MAP3K2: variants seen among roughly 807,000 people sequenced by gnomAD.
MAP3K2 encodes the protein MAP/ERK kinase kinase 2.
A neutral mutation model predicts 80.3 loss-of-function variants in MAP3K2; 24 were observed. That is an observed-to-expected ratio of 0.30 (90% CI 0.22 to 0.42). The LOEUF (loss-of-function observed/expected upper bound fraction) is 0.42, where lower values mean the gene tolerates loss of function less well. Ranked by LOEUF, MAP3K2 falls within the 10% of genes least tolerant of loss-of-function variation. MAP3K2 has a pLI of 1.00. For missense variants in MAP3K2, 608 were observed against 750.1 expected (o/e 0.81, Z 2.21); for synonymous variants, 244 against 253.7 (o/e 0.96, Z 0.36).
At chr2:127,376,850 G>C (rs1687161517) in intron 1 of MAP3K2, among the ~76,000 whole-genome samples, 1 of 152,086 alleles carries the variant, frequency 6.6e-6, no homozygotes, top group African/African-American at 2.4e-5. Flanking sequence ...AGGATCGCTT[G>C]AGCCCAGGTG....
intron 5 of MAP3K2, among the ~76,000 whole-genome samples, chr2:127,334,724 G>A (rs1359936652): frequency 6.6e-6 from 1 of 151,116 alleles, no homozygotes; most frequent in Admixed American, 6.6e-5. Context: ...GGGATTATAG[G>A]CATGAGCCAC....
intron 1 of MAP3K2, among the ~76,000 whole-genome samples, chr2:127,381,597 C>T (rs1225096699): frequency 6.6e-6 from 1 of 152,124 alleles, no homozygotes; most frequent in Non-Finnish European, 1.5e-5. Context: ...GCAAAAGATA[C>T]CACAACTATT....
chr2:127,344,148 A>G (rs1174724999), intron 1 of MAP3K2, among the ~76,000 whole-genome samples: 1 of 152,218 alleles, frequency 6.6e-6, no homozygotes, highest in Non-Finnish European at 1.5e-5. Context: ...GACACTATGA[A>G]TGGAAAATTC....
At chr2:127,324,962 C>A (rs940278741) in intron 9 of MAP3K2, among the ~76,000 whole-genome samples, 3 of 152,182 alleles carry the variant, frequency 2.0e-5, no homozygotes, top group African/African-American at 7.2e-5. Context: ...ACCAATGTGA[C>A]ACAGTGGGCT....
chr2:127,377,288 C>T (rs1229224758), intron 1 of MAP3K2, among the ~76,000 whole-genome samples: 2 of 151,628 alleles, frequency 1.3e-5, no homozygotes, highest in South Asian at 4.2e-4. Context: ...CTAGTTTACT[C>T]AAATATTTAT....
intron 1 of MAP3K2, among the ~76,000 whole-genome samples, chr2:127,356,519 A>C (rs565220710): frequency 7.2e-5 from 11 of 152,292 alleles, no homozygotes; most frequent in African/African-American, 2.6e-4. Flanking sequence ...TATTAGCCTA[A>C]TTTTTTATTT....
chr2:127,337,341 A>C (rs991712316), intron 4 of MAP3K2, among the ~76,000 whole-genome samples: 8 of 152,182 alleles, frequency 5.3e-5, no homozygotes, highest in African/African-American at 1.9e-4. Flanking sequence ...CATAAAACTG[A>C]GGTCTCTTGA....
At chr2:127,350,542 C>G (rs1686675410) in intron 1 of MAP3K2, among the ~76,000 whole-genome samples, 4 of 150,280 alleles carry the variant, frequency 2.7e-5, no homozygotes, top group Admixed American at 2.6e-4. Context: ...GAAGAGAAAG[C>G]TTTTTCTTAC....
At chr2:127,363,492 A>C (rs144636797) in intron 1 of MAP3K2, among the ~76,000 whole-genome samples, 6 of 152,254 alleles carry the variant, frequency 3.9e-5, no homozygotes, top group African/African-American at 1.4e-4. Context: ...AACACTTTCT[A>C]TTGCAAAACT....
rs1662780521 is a variant in MAP3K2, at chr2:127,302,845, C to T, written c.*4734G>A. The T allele has an allele frequency of 6.6e-6, 1 of 152,084 alleles. No individual in the cohort carries two copies. Among genetic ancestry groups the T allele is most frequent in the South Asian group, 2.1e-4 (1 of 4,824 alleles). The allele number at this position is 152,084 out of a possible 1,614,324, so 9.4% of individuals were successfully genotyped here. A position where few individuals can be genotyped will look rare whatever the true frequency, so the allele number is the denominator to read the frequency against. On this transcript the variant is annotated 3_prime_UTR_variant, in exon 17 of 17. Coordinates refer to ENST00000682094, the MANE Select transcript of MAP3K2 (RefSeq NM_001371910.2). ...AGTGGAAGCTGCAGCATGTCTATCA[C>T]AGACAAATCCTAATGTTTCTCTCCT... is the stretch of plus-strand genomic sequence containing the variant.
intron 4 of MAP3K2, among the ~76,000 whole-genome samples, chr2:127,336,938 C>T (rs1573990891): frequency 6.6e-6 from 1 of 152,092 alleles, no homozygotes; most frequent in African/African-American, 2.4e-5. Context: ...GTCAGGAGTT[C>T]GAGACCAGCC....
rs1282666508 is a variant in MAP3K2, at chr2:127,321,669, T to C, written c.1045+377A>G. On this transcript the variant is annotated intron_variant, in intron 12 of 16. Transcript: ENST00000682094. This position sits in a 1 kb window ranked among gnomAD's most constrained non-coding sequence, Gnocchi z 4.4. ...TCTTGCACATTATCTCCTCAGCTGG[T>C]GATTTCTACTCACATTTAAATGCTA... is the stretch of plus-strand genomic sequence containing the variant. Among the ~76,000 whole-genome samples the C allele has an allele frequency of 6.6e-6, 1 of 152,224 alleles. No homozygotes were observed. The highest frequency in any genetic ancestry group is 1.5e-5 in the Non-Finnish European group (1 of 68,042).
At chr2:127,374,882 T>C (rs990796247) in intron 1 of MAP3K2, among the ~76,000 whole-genome samples, 8 of 152,108 alleles carry the variant, frequency 5.3e-5, no homozygotes, top group East Asian at 1.9e-4. Flanking sequence ...GGACAGGCCA[T>C]AGAACGTACC....
chr2:127,377,060 CAA>C (rs879437855), intron 1 of MAP3K2, among the ~76,000 whole-genome samples: 3 of 132,630 alleles, frequency 2.3e-5, no homozygotes, highest in Non-Finnish European at 1.6e-5. Flanking sequence ...GATCCTGTCT[CAA>C]AAAAAAAAAA....
At chr2:127,375,238 A>G (rs539055800) in intron 1 of MAP3K2, among the ~76,000 whole-genome samples, 1 of 152,074 alleles carries the variant, frequency 6.6e-6, no homozygotes, top group African/African-American at 2.4e-5. Flanking sequence ...AAATAAAGAA[A>G]ATAACCCTAT....
At position 127,298,951 on chromosome 2, in the gene MAP3K2, TTTA is replaced by T. The variant is rs1307274479; in HGVS notation, c.*8625_*8627del. The T allele has an allele frequency of 1.4e-4, 21 of 152,090 alleles. No individual in the cohort carries two copies. In the East Asian group the frequency reaches 3.7e-3, roughly 27 times the overall value. 9.4% of individuals were successfully genotyped at this position (152,090 alleles called of 1,614,324 possible). A position where few individuals can be genotyped will look rare whatever the true frequency, so the allele number is the denominator to read the frequency against. On this transcript the variant is annotated 3_prime_UTR_variant, in exon 17 of 17. Transcript: ENST00000682094. ...TGGTTTCTTTTATATTAGATTTTTT[TTTA>T]AAAAAAAGCTATTTACCAGCAAGAA...
At chr2:127,329,577 G>T (rs1191994849) in intron 7 of MAP3K2, among the ~76,000 whole-genome samples, 1 of 152,174 alleles carries the variant, frequency 6.6e-6, no homozygotes, top group East Asian at 1.9e-4. Flanking sequence ...GGATGGTCTC[G>T]ATCTCTTGAC....
chr2:127,338,511 T>G (rs1293670356), intron 3 of MAP3K2, among the ~76,000 whole-genome samples: 3 of 152,056 alleles, frequency 2.0e-5, no homozygotes, highest in African/African-American at 7.2e-5. Flanking sequence ...CAGGCCCCAG[T>G]GTCTATTGCT....
upstream of MAP3K2, chr2:127,388,249 T>C: frequency 1.0e-6 from 1 of 984,032 alleles, no homozygotes; most frequent in Non-Finnish European, 1.2e-6. Context: ...CATACGCACC[T>C]GGGTTGTCTC....
Sources: gnomAD v4.1 joint callset for allele counts (sites outside exome capture counted in the v4.1 genomes callset) on GRCh38, gnomAD v4.1.1 for gene constraint, Gnocchi (gnomAD v3.1) non-coding constraint, MANE v1.5 for transcripts, NCBI Gene and HGNC (gene_info 2026-07-23, HGNC 2026-07-21) for gene names.